CSNK1G1: variants seen among roughly 807,000 people sequenced by gnomAD.
The protein encoded by CSNK1G1 is casein kinase 1 gamma 1.
In CSNK1G1, 22 loss-of-function variants were observed where a neutral mutation model predicts 59.6. The observed-to-expected ratio is 0.37, with a 90% CI of 0.26 to 0.53. The LOEUF is 0.53. Ranked by LOEUF, CSNK1G1 falls within the 20% of genes least tolerant of loss-of-function variation. The pLI is 0.89. For missense variants in CSNK1G1, 384 were observed against 519.5 expected, an observed-to-expected ratio of 0.74 and a Z score of 2.54; for synonymous variants, 179 against 177.1, an observed-to-expected ratio of 1.01 and a Z score of -0.08.
intron 1 of CSNK1G1, among the ~76,000 whole-genome samples, chr15:64,313,105 T>C (rs1481810573): frequency 6.6e-6 from 1 of 152,082 alleles, no homozygotes. Context: ...AGGAAACAGA[T>C]GCTGGAGAGG....
chr15:64,265,307 A>T (rs1566925455), intron 2 of CSNK1G1, among the ~76,000 whole-genome samples: 1 of 152,248 alleles, frequency 6.6e-6, no homozygotes, highest in Non-Finnish European at 1.5e-5. Flanking sequence ...CCCAAATCTC[A>T]TCTTGAATCA....
Position 64,282,120 on chromosome 15 carries a change from G to A in CSNK1G1, c.181+18199C>T, listed in dbSNP as rs191971270. 1.4e-3 allele frequency among the ~76,000 whole-genome samples: 214 copies of A among 151,428 alleles called. 1 individual carries two copies. Among genetic ancestry groups the A allele is most frequent in the Non-Finnish European group, 2.4e-3 (164 of 67,830 alleles). On this transcript the variant is annotated intron_variant, in intron 2 of 11. Transcript: ENST00000303052. Reference sequence around the variant, plus strand: ...TTTTTAACATTTTTTGTGGAGATGCGGTCTTGCTATGTTGTCCAGGTTGGT... The same window carrying A: ...TTTTTAACATTTTTTGTGGAGATGCAGTCTTGCTATGTTGTCCAGGTTGGT...
At position 64,251,721 on chromosome 15, in the gene CSNK1G1, A is replaced by C. The variant is rs1426157571; in HGVS notation, c.223-140T>G. The C allele has an allele frequency of 1.5e-5, 9 of 617,170 alleles. No homozygotes were observed. The East Asian group carries it at 2.5e-4, about 17-fold the overall frequency. 38.2% of individuals were successfully genotyped at this position (617,170 alleles called of 1,614,324 possible). On this transcript the variant is annotated intron_variant, in intron 3 of 11. Transcript: ENST00000303052. ...ATATATAAGAGCCTTTTCTAACCAC[A>C]ATTGGTCTTGGACAGTATAGCTAAG...
chr15:64,319,751 G>A (rs1434482463), intron 1 of CSNK1G1, among the ~76,000 whole-genome samples: 1 of 151,442 alleles, frequency 6.6e-6, no homozygotes. Flanking sequence ...AGGTTTCACC[G>A]TGTTGCCCAG....
At chr15:64,354,807 G>A (rs1898550119) in intron 1 of CSNK1G1, among the ~76,000 whole-genome samples, 1 of 152,150 alleles carries the variant, frequency 6.6e-6, no homozygotes, top group African/African-American at 2.4e-5. Context: ...GCTCTGGTAG[G>A]TTCCATGACT....
At chr15:64,181,127 C>A in intron 10 of CSNK1G1, 1 of 1,450,502 alleles carries the variant, frequency 6.9e-7, no homozygotes, top group Admixed American at 2.7e-5. Context: ...ATTGTCACAT[C>A]CTCTCCGACA....
At chr15:64,248,788 T>C (rs1403783073) in intron 4 of CSNK1G1, among the ~76,000 whole-genome samples, 7 of 151,916 alleles carry the variant, frequency 4.6e-5, no homozygotes, top group Non-Finnish European at 7.4e-5. Flanking sequence ...ATCAAGACCA[T>C]CCTGGCCAAC....
chr15:64,220,117 C>CA (rs1596113223), intron 4 of CSNK1G1, among the ~76,000 whole-genome samples: 1 of 147,424 alleles, frequency 6.8e-6, no homozygotes, highest in East Asian at 2.0e-4. Context: ...TTTTTTGAGA[C>CA]AGAGTCTTGC....
chr15:64,324,691 C>T (rs1234198263), intron 1 of CSNK1G1, among the ~76,000 whole-genome samples: 4 of 152,186 alleles, frequency 2.6e-5, no homozygotes, highest in Non-Finnish European at 5.9e-5. Flanking sequence ...TGAGTCAATT[C>T]GGCTTAATGA....
At chr15:64,282,395 G>T (rs1566932675) in intron 2 of CSNK1G1, among the ~76,000 whole-genome samples, 1 of 151,946 alleles carries the variant, frequency 6.6e-6, no homozygotes, top group Non-Finnish European at 1.5e-5. Context: ...CACCCAAGTA[G>T]CTGGGATTAC....
At chr15:64,300,260 C>T in intron 2 of CSNK1G1, 59 bp downstream of exon 2, 1 of 1,512,050 alleles carries the variant, frequency 6.6e-7, no homozygotes. Context: ...TTGAAACACA[C>T]CAAAGCTTAT....
intron 10 of CSNK1G1, among the ~76,000 whole-genome samples, chr15:64,186,938 T>A (rs28790312): frequency 0.058 from 8,822 of 150,870 alleles, 269 homozygotes; most frequent in South Asian, 0.08. Flanking sequence ...TTCTCCTGCC[T>A]CAGCCTCCTG....
chr15:64,228,801 T>G (rs2140287178), intron 4 of CSNK1G1, among the ~76,000 whole-genome samples: 1 of 152,166 alleles, frequency 6.6e-6, no homozygotes, highest in East Asian at 1.9e-4. Context: ...GGATTGCTTG[T>G]GCTCAGAAGT....
chr15:64,326,980 G>A (rs1896878239), intron 1 of CSNK1G1, among the ~76,000 whole-genome samples: 1 of 151,086 alleles, frequency 6.6e-6, no homozygotes, highest in African/African-American at 2.4e-5. Context: ...TTAAAAAACG[G>A]CGCACCACGA....
intron 10 of CSNK1G1, chr15:64,189,418 T>C (rs2081940610): frequency 7.8e-7 from 1 of 1,289,110 alleles, no homozygotes; most frequent in Non-Finnish European, 1.0e-6. Flanking sequence ...AGGTGCCTCT[T>C]CCCCTGTGCC....
chr15:64,327,260 A>G (rs1278745716), intron 1 of CSNK1G1, among the ~76,000 whole-genome samples: 1 of 151,832 alleles, frequency 6.6e-6, no homozygotes, highest in African/African-American at 2.4e-5. Context: ...ACCTCTGCAG[A>G]CTTAAATGTC....
chr15:64,204,789 A>G, intron 8 of CSNK1G1, 76 bp downstream of exon 8: 1 of 1,151,468 alleles, frequency 8.7e-7, no homozygotes, highest in South Asian at 1.3e-5. Context: ...CAGCACCCCT[A>G]TCTAGAGATA....
chr15:64,229,491 A>G (rs554879088), intron 4 of CSNK1G1, among the ~76,000 whole-genome samples: 2 of 152,188 alleles, frequency 1.3e-5, no homozygotes, highest in South Asian at 4.1e-4. Flanking sequence ...GTGGAACTAT[A>G]GAGAAGGAGG....
In CSNK1G1 at chr15:64,310,873, C is replaced by T. The variant is rs1421653400; in HGVS notation, c.-224-10150G>A. ...TACAAAAATTAGCTGGGTGTGGTGG[C>T]GCATGCCTGTAATCCCAGCTACTCG... On this transcript the variant is annotated intron_variant, in intron 1 of 11. Coordinates refer to ENST00000303052, the MANE Select transcript of CSNK1G1 (RefSeq NM_022048.5). Among the ~76,000 whole-genome samples the T allele has an allele frequency of 6.6e-5, 10 of 151,276 alleles. 1 individual carries two copies. Among genetic ancestry groups the T allele is most frequent in the African/African-American group, 2.2e-4 (9 of 41,316 alleles).
Sources: gnomAD v4.1 joint callset for allele counts (sites outside exome capture counted in the v4.1 genomes callset) on GRCh38, gnomAD v4.1.1 for gene constraint, MANE v1.5 for transcripts, NCBI Gene and HGNC (gene_info 2026-07-23, HGNC 2026-07-21) for gene names.